Variants in FRMPD4 observed in about 807,000 individuals in gnomAD.
The protein encoded by FRMPD4 is FERM and PDZ domain-containing protein 4.
Under a neutral mutation model 94.1 loss-of-function variants are expected in FRMPD4, and 22 were observed. The ratio of observed to expected loss-of-function variants is 0.23; its 90% CI spans 0.17 to 0.33. The LOEUF (loss-of-function observed/expected upper bound fraction) is 0.33. FRMPD4 is among the 10% of genes least tolerant of loss of function. The pLI is 1.00. For synonymous variants in FRMPD4, 631 were observed against 548.6 expected (o/e 1.15, Z -2.10); for missense variants, 1,111 against 1,339.9 (o/e 0.83, Z 2.67).
intron 1 of FRMPD4, among the ~76,000 whole-genome samples, chrX:12,492,277 C>T (rs1237774162): frequency 1.8e-5 from 2 of 111,318 alleles, no homozygotes; most frequent in Non-Finnish European, 3.8e-5. Flanking sequence ...GACCAGTTAA[C>T]CCAGATTTAA....
rs914342458 is a variant in FRMPD4 at position 12,717,926 on chromosome X, G to A, written c.3100G>A (p.Gly1034Ser). 4 of 1,211,722 alleles carry A rather than the reference G, an allele frequency of 3.3e-6. No individual in the cohort carries two copies. Among genetic ancestry groups the A allele is most frequent in the Admixed American group, 4.3e-5 (2 of 46,127 alleles). Residue 1034 changes from glycine to serine, a missense_variant, in exon 16 of 17, where the codon GGT (glycine) becomes AGT (serine). This residue lies in a region of FRMPD4 where 551 missense variants were observed against 591.6 expected (regional missense o/e 0.93). Coordinates refer to ENST00000675598, the MANE Select transcript of FRMPD4 (RefSeq NM_001368397.1). ...TSKRKSKLADGEGKAPPNGNT... is the reference protein window; with the variant it reads ...TSKRKSKLADSEGKAPPNGNT... ...CAAAAGGAAAAGCAAGCTGGCCGAT[G>A]GTGAGGGGAAGGCACCCCCTAATGG...
chrX:12,362,174 G>A (rs1303215324), intron 1 of FRMPD4, among the ~76,000 whole-genome samples: 5 of 68,280 alleles, frequency 7.3e-5, no homozygotes, highest in Admixed American at 6.7e-4. Context: ...AGTAACTGAC[G>A]ATTCTTTTTT....
At chrX:12,632,586 A>C (rs1385941466) in intron 4 of FRMPD4, among the ~76,000 whole-genome samples, 1 of 112,100 alleles carries the variant, frequency 8.9e-6, no homozygotes, top group African/African-American at 3.2e-5. Context: ...AATGGTGGGA[A>C]TGTTCCAAAA....
intron 14 of FRMPD4, among the ~76,000 whole-genome samples, chrX:12,711,907 G>T (rs766613987): frequency 9.0e-6 from 1 of 110,505 alleles, no homozygotes; most frequent in Non-Finnish European, 1.9e-5. Flanking sequence ...ACTTAAACAC[G>T]CATACAGACT....
At chrX:12,231,149 A>G (rs1210693388) in intron 1 of FRMPD4, among the ~76,000 whole-genome samples, 2 of 91,196 alleles carry the variant, frequency 2.2e-5, no homozygotes, top group Non-Finnish European at 4.2e-5. Context: ...TGCCGGGCCC[A>G]AGCAATCCTC....
At chrX:12,173,264 T>C (rs1986772667) in intron 1 of FRMPD4, among the ~76,000 whole-genome samples, 1 of 112,029 alleles carries the variant, frequency 8.9e-6, no homozygotes, top group African/African-American at 3.3e-5. Flanking sequence ...ACCCAGATTG[T>C]AGTAGTAAAT....
intron 3 of FRMPD4, among the ~76,000 whole-genome samples, chrX:11,879,917 A>T (rs1425932152): frequency 8.9e-6 from 1 of 112,377 alleles, no homozygotes; most frequent in Non-Finnish European, 1.9e-5. Context: ...GGAGCAATTG[A>T]GGTTTCCCAG....
chrX:12,682,297 G>C lies in FRMPD4; in HGVS notation c.469-1186G>C, dbSNP rs147115561. On this transcript the variant is annotated intron_variant, in intron 5 of 16. Transcript: ENST00000675598. ...AAATTCATTTTACTTGAAAACCAAA[G>C]TATAGGTCACCCTAGTTGGCTTTTG... 5.1e-3 allele frequency among the ~76,000 whole-genome samples: 568 copies of C among 112,092 alleles called. 5 individuals carry two copies. The highest frequency in any genetic ancestry group is 0.017 in the African/African-American group (523 of 30,886).
chrX:12,165,416 T>G (rs1388924205), intron 1 of FRMPD4, among the ~76,000 whole-genome samples: 1 of 111,996 alleles, frequency 8.9e-6, no homozygotes, highest in African/African-American at 3.2e-5. Flanking sequence ...TATATCTCTA[T>G]TTTGGTACCA....
intron 2 of FRMPD4, among the ~76,000 whole-genome samples, chrX:12,574,559 G>A (rs953117198): frequency 9.0e-5 from 10 of 110,695 alleles, no homozygotes; most frequent in Non-Finnish European, 1.1e-4. Flanking sequence ...GTGCAGTGGC[G>A]TGATCTCGGC....
upstream of FRMPD4, among the ~76,000 whole-genome samples, chrX:12,135,398 A>C (rs898116869): frequency 9.1e-6 from 1 of 109,841 alleles, no homozygotes; most frequent in Non-Finnish European, 1.9e-5. Context: ...AAAGATATAA[A>C]CACTCTGTGT....
intron 1 of FRMPD4, among the ~76,000 whole-genome samples, chrX:12,446,070 AAG>A (rs969772703): frequency 4.5e-5 from 5 of 112,204 alleles, no homozygotes; most frequent in Non-Finnish European, 7.5e-5. Context: ...AGTTGAGAGC[AAG>A]AGAGAGAGAA....
intron 2 of FRMPD4, among the ~76,000 whole-genome samples, chrX:12,566,682 C>T (rs1035955946): frequency 3.6e-5 from 4 of 111,842 alleles, no homozygotes; most frequent in African/African-American, 6.5e-5. Flanking sequence ...AATTATTTAT[C>T]GAAACTATTT....
intron 3 of FRMPD4, among the ~76,000 whole-genome samples, chrX:12,036,237 A>G (rs1601896226): frequency 8.9e-6 from 1 of 111,994 alleles, no homozygotes; most frequent in African/African-American, 3.2e-5. Context: ...ATACCAGCCT[A>G]AAATGCTTAA....
chrX:12,479,423 C>CACATATATATACATAT (rs1555971385), intron 1 of FRMPD4, among the ~76,000 whole-genome samples: 1 of 25,890 alleles, frequency 3.9e-5, no homozygotes. Context: ...TACATATATA[C>CACATATATATACATAT]GTATATATAT....
chrX:11,933,966 TTAAA>T (rs1340198038), intron 3 of FRMPD4, among the ~76,000 whole-genome samples: 1 of 112,298 alleles, frequency 8.9e-6, no homozygotes, highest in East Asian at 2.8e-4. Flanking sequence ...TTTATTTCAG[TTAAA>T]TAGTTTCGGC....
chrX:12,418,160 G>A (rs2056832970), intron 1 of FRMPD4, among the ~76,000 whole-genome samples: 1 of 109,147 alleles, frequency 9.2e-6, no homozygotes, highest in African/African-American at 3.3e-5. Context: ...AAGTTTGAGA[G>A]GATGATTTTA....
intron 3 of FRMPD4, among the ~76,000 whole-genome samples, chrX:11,943,003 C>T (rs2054169966): frequency 1.8e-5 from 2 of 111,797 alleles, no homozygotes; most frequent in African/African-American, 6.5e-5. Flanking sequence ...CAAAGCTAGC[C>T]ATAGTTATCA....
In FRMPD4 at chrX:12,717,697, G is replaced by C; in HGVS notation, c.2871G>C (p.Lys957Asn). The C allele has an allele frequency of 8.3e-7, 1 of 1,210,836 alleles. No individual in the cohort carries two copies. The highest frequency in any genetic ancestry group is 1.1e-6 in the Non-Finnish European group (1 of 894,517). ...AEEQTEFPAS[K>N]TPAGGLPPKS... The stretch of plus-strand genomic sequence containing the variant: ...AGCAGACCGAGTTCCCGGCCTCCAA[G>C]ACCCCCGCTGGGGGCTTGCCTCCAA... Residue 957 changes from lysine to asparagine, a missense_variant, in exon 16 of 17, where the codon AAG becomes AAC. By Grantham distance (94) the Lys-to-Asn change is moderately conservative (BLOSUM62 0). Coordinates refer to ENST00000675598, the MANE Select transcript of FRMPD4 (RefSeq NM_001368397.1).
Sources: gnomAD v4.1 joint callset for allele counts (sites outside exome capture counted in the v4.1 genomes callset) on GRCh38, gnomAD v4.1.1 for gene constraint, gnomAD v4.1.1 regional missense constraint, MANE v1.5 for transcripts, NCBI Gene and HGNC (gene_info 2026-07-23, HGNC 2026-07-21) for gene names.